The following TNFSF15 variants were observed in gnomAD, a reference collection of about 807,000 sequenced individuals.
The protein encoded by TNFSF15 is tumor necrosis factor ligand superfamily member 15.
A neutral mutation model predicts 26.4 loss-of-function variants in TNFSF15; 15 were observed. The ratio of observed to expected loss-of-function variants is 0.57; its 90% CI spans 0.38 to 0.87. The LOEUF is 0.87. Among genes scored for constraint, TNFSF15 ranks in the 40% least tolerant of loss-of-function variants. The pLI, the probability that TNFSF15 is intolerant of heterozygous loss-of-function variation, is 0.00. For missense variants in TNFSF15, 290 were observed against 306.1 expected, an observed-to-expected ratio of 0.95 and a Z score of 0.39; for synonymous variants, 116 against 115.0, an observed-to-expected ratio of 1.01 and a Z score of -0.06.
rs1056693307 is a variant in TNFSF15 at position 114,790,243 on chromosome 9, T to C, written c.*209A>G. Reference sequence around the variant, plus strand: ...ACCCATCTTAATAATATATTTGCTCTCTTCAGCCTTTTTCCAGTTAGTACT... The same window carrying C: ...ACCCATCTTAATAATATATTTGCTCCCTTCAGCCTTTTTCCAGTTAGTACT... On this transcript the variant is annotated 3_prime_UTR_variant, in exon 4 of 4. Transcript: ENST00000374045. 6.0e-6 allele frequency: 3 copies of C among 497,890 alleles called. No homozygotes were observed. Among genetic ancestry groups the C allele is most frequent in the Non-Finnish European group, 1.1e-5 (3 of 283,448 alleles). The allele number at this position is 497,890 out of a possible 1,614,324, so 30.8% of individuals were successfully genotyped here.
rs1829511578 is a variant in TNFSF15, at chr9:114,786,924, A to AG, written c.*3527_*3528insC. The AG allele has an allele frequency of 1.3e-5, 2 of 151,716 alleles. No homozygotes were observed. The highest frequency in any genetic ancestry group is 2.4e-5 in the African/African-American group (1 of 41,244). 9.4% of individuals were successfully genotyped at this position (151,716 alleles called of 1,614,324 possible). A position where few individuals can be genotyped will look rare whatever the true frequency, so the allele number is the denominator to read the frequency against. On this transcript the variant is annotated 3_prime_UTR_variant, in exon 4 of 4. Transcript: ENST00000374045. Reference sequence around the variant, plus strand: ...AAGACTCTGTCTCAAAAAAAAAAAAAAAAAAAAAGAAAAAGAAATTTTAGT... The same window carrying AG: ...AAGACTCTGTCTCAAAAAAAAAAAAAGAAAAAAAAGAAAAAGAAATTTTAGT...
At chr9:114,790,964 A>G (rs1829588606) in intron 3 of TNFSF15, 58 bp from the exon 4 acceptor site, 1 of 1,562,380 alleles carries the variant, frequency 6.4e-7, no homozygotes, top group Non-Finnish European at 8.8e-7. Flanking sequence ...ACTTTGCTTA[A>G]AAAGTGTCTC....
Position 114,790,420 on chromosome 9 carries a change from A to G in TNFSF15, c.*32T>C, listed in dbSNP as rs1430657314. 3.4e-5 allele frequency: 52 copies of G among 1,527,482 alleles called. No individual in the cohort carries two copies. Among genetic ancestry groups the G allele is most frequent in the Admixed American group, 8.6e-5 (4 of 46,346 alleles). The allele number at this position is 1,527,482 out of a possible 1,614,324, so 94.6% of individuals were successfully genotyped here. A position where few individuals can be genotyped will look rare whatever the true frequency, so the allele number is the denominator to read the frequency against. On this transcript the variant is annotated 3_prime_UTR_variant, in exon 4 of 4. Coordinates refer to ENST00000374045, the MANE Select transcript of TNFSF15 (RefSeq NM_005118.4). ...AAGAAAATTAGGAACTCGGTGGCAG[A>G]GGACTTTCATATAATGATATTTGCT...
chr9:114,797,306 G>A (rs1181055810), intron 1 of TNFSF15, among the ~76,000 whole-genome samples: 1 of 152,184 alleles, frequency 6.6e-6, no homozygotes. Context: ...TATATGGATG[G>A]ATAAGTATGG....
rs1386641951 is a variant in TNFSF15, at chr9:114,786,014, G to A, written c.*4438C>T. 3 of 152,394 alleles carry A rather than the reference G, an allele frequency of 2.0e-5. No individual in the cohort carries two copies. The highest frequency in any genetic ancestry group is 2.9e-5 in the Non-Finnish European group (2 of 68,054). 9.4% of individuals were successfully genotyped at this position (152,394 alleles called of 1,614,324 possible). The stretch of plus-strand genomic sequence containing the variant: ...GCAAGTGTGTCTCAGAGCTGGGGAA[G>A]TTGTAAATGTGGTTGTTAGAGGGTG... On this transcript the variant is annotated 3_prime_UTR_variant, in exon 4 of 4. Coordinates refer to ENST00000374045, the MANE Select transcript of TNFSF15 (RefSeq NM_005118.4).
chr9:114,793,633 C>G, intron 1 of TNFSF15, 65 bp from the exon 2 acceptor site: 1 of 1,476,218 alleles, frequency 6.8e-7, no homozygotes, highest in Non-Finnish European at 9.5e-7. Flanking sequence ...CTTACAGCTT[C>G]CCATAGCACA....
Position 114,787,583 on chromosome 9 carries a change from C to A in TNFSF15, c.*2869G>T, listed in dbSNP as rs1829523039. The A allele has an allele frequency of 6.5e-6, 1 of 152,784 alleles. No homozygotes were observed. The highest frequency in any genetic ancestry group is 6.5e-5 in the Admixed American group (1 of 15,280). 9.5% of individuals were successfully genotyped at this position (152,784 alleles called of 1,614,324 possible). ...TTTTCTAAAGCATGCTTCTTCCTCCCTCCCAAACCCTGAATACACCCCATT... is the reference window on the plus strand; with the variant it reads ...TTTTCTAAAGCATGCTTCTTCCTCCATCCCAAACCCTGAATACACCCCATT... On this transcript the variant is annotated 3_prime_UTR_variant, in exon 4 of 4. Transcript: ENST00000374045.
At chr9:114,796,915 G>A (rs938352740) in intron 1 of TNFSF15, among the ~76,000 whole-genome samples, 1 of 152,180 alleles carries the variant, frequency 6.6e-6, no homozygotes, top group Non-Finnish European at 1.5e-5. Context: ...TGGTCTTGAG[G>A]GAGTGGAGAA....
At chr9:114,797,973 G>C (rs1829691806) in intron 1 of TNFSF15, among the ~76,000 whole-genome samples, 1 of 152,196 alleles carries the variant, frequency 6.6e-6, no homozygotes, top group Non-Finnish European at 1.5e-5. Flanking sequence ...CAGATTCTCA[G>C]GCATCAGGAA....
chr9:114,797,219 C>T (rs1007820562), intron 1 of TNFSF15, among the ~76,000 whole-genome samples: 1 of 152,204 alleles, frequency 6.6e-6, no homozygotes, highest in African/African-American at 2.4e-5. Context: ...TTGTCATTAG[C>T]ATGTATCTGA....
intron 1 of TNFSF15, among the ~76,000 whole-genome samples, chr9:114,793,913 T>C (rs1414671826): frequency 1.3e-5 from 2 of 152,242 alleles, no homozygotes; most frequent in African/African-American, 4.8e-5. Flanking sequence ...TTGCTTTATT[T>C]TCTTTCCTCT....
At chr9:114,801,143 A>G (rs1829742137) in intron 1 of TNFSF15, among the ~76,000 whole-genome samples, 1 of 152,200 alleles carries the variant, frequency 6.6e-6, no homozygotes, top group African/African-American at 2.4e-5. Flanking sequence ...GTTGTGAGGT[A>G]CTGAGTGCCA....
rs2131303760 is a variant in TNFSF15, at chr9:114,793,559, C to T, written c.220G>A (p.Gly74Arg). The change falls in exon 2 of 4, where the codon GGA (glycine) becomes AGA (arginine). Residue 74 changes from glycine (G) to arginine (R), a missense_variant. Physicochemically the swap from Gly to Arg is moderately radical, Grantham distance 125. Coordinates refer to ENST00000374045, the MANE Select transcript of TNFSF15 (RefSeq NM_005118.4). ...TGATGTGAAGGTGCAAACTCCTGTC[C>T]TTTTAGAGCCTATTGGGAAAGAAAG... is the stretch of plus-strand genomic sequence containing the variant. ...EACVQFQALK[G>R]QEFAPSHQQV... is the part of the protein sequence containing the mutation. 1 of 1,613,826 alleles carries T rather than the reference C, an allele frequency of 6.2e-7. No homozygotes were observed. Among genetic ancestry groups the T allele is most frequent in the East Asian group, 2.2e-5 (1 of 44,886 alleles).
chr9:114,804,148 C>G (rs1829785494), intron 1 of TNFSF15, among the ~76,000 whole-genome samples: 1 of 152,116 alleles, frequency 6.6e-6, no homozygotes. Context: ...CATCTGCTCT[C>G]CAGGAAGATG....
chr9:114,791,558 A>G (rs1829598551), intron 3 of TNFSF15: 1 of 168,830 alleles, frequency 5.9e-6, no homozygotes, highest in African/African-American at 2.4e-5. Context: ...CAGACTGAAA[A>G]TTTTCTTATA....
chr9:114,803,785 A>G (rs559407568), intron 1 of TNFSF15, among the ~76,000 whole-genome samples: 1 of 152,332 alleles, frequency 6.6e-6, no homozygotes, highest in Admixed American at 6.5e-5. Flanking sequence ...TCTTCCAGGC[A>G]GGCCCTCTCC....
chr9:114,792,293 A>G (rs1829614131), intron 3 of TNFSF15, 114 bp downstream of exon 3: 7 of 1,304,108 alleles, frequency 5.4e-6, no homozygotes, highest in Non-Finnish European at 7.4e-6. Context: ...GGAGTCTCTT[A>G]CCAAGGAATG....
chr9:114,791,069 A>G, intron 3 of TNFSF15, 163 bp from the exon 4 acceptor site: 1 of 674,866 alleles, frequency 1.5e-6, no homozygotes, highest in Non-Finnish European at 2.6e-6. Flanking sequence ...GACTGGACAT[A>G]CACATTTGTT....
In TNFSF15 at chr9:114,790,889, T is replaced by G. The variant is rs753523598; in HGVS notation, c.319A>C (p.Thr107Pro). 7 of 1,613,978 alleles carry G rather than the reference T, an allele frequency of 4.3e-6. No homozygotes were observed. The East Asian group carries it at 1.6e-4, about 36-fold the overall frequency. The change falls in exon 4 of 4, where the codon ACA becomes CCA. Residue 107 changes from threonine (T) to proline (P), a missense_variant. Physicochemically the swap from Thr to Pro is conservative, Grantham distance 38. This residue lies in a region of TNFSF15 where 179 missense variants were observed against 165.9 expected (regional missense o/e 1.08). Transcript: ENST00000374045. The stretch of plus-strand genomic sequence containing the variant: ...GGGAACTGATTTTTAAAGTGCTGTG[T>G]GGGAGTTTGTCTCACAACTGGAAAG... Reference protein sequence around the residue: ...AHLTVVRQTPTQHFKNQFPAL... With the variant: ...AHLTVVRQTPPQHFKNQFPAL...
Sources: gnomAD v4.1 joint callset for allele counts (sites outside exome capture counted in the v4.1 genomes callset) on GRCh38, gnomAD v4.1.1 for gene constraint, gnomAD v4.1.1 regional missense constraint, MANE v1.5 for transcripts, NCBI Gene and HGNC (gene_info 2026-07-23, HGNC 2026-07-21) for gene names.